Variants in KLK13 observed in about 807,000 individuals in gnomAD.
KLK13 encodes the protein kallikrein related peptidase 13.
A neutral mutation model predicts 22.4 loss-of-function variants in KLK13; 19 were observed. The observed-to-expected ratio is 0.85, with a 90% confidence interval of 0.59 to 1.24. The LOEUF is 1.24. KLK13 is among the 50% of genes most tolerant of loss of function. The pLI is 0.00. For missense variants in KLK13, 311 were observed against 347.9 expected, an observed-to-expected ratio of 0.89 and a Z score of 0.84; for synonymous variants, 156 against 141.8, an observed-to-expected ratio of 1.10 and a Z score of -0.71.
chr19:51,059,994 C>T lies in KLK13; in HGVS notation c.339G>A (p.Arg113=). The change falls in exon 3 of 5, where the codon CGG becomes CGA. Residue 113 remains arginine (R), a synonymous_variant. Coordinates refer to ENST00000595793, the MANE Select transcript of KLK13 (RefSeq NM_015596.3). ...VVHSIPHPEY[R]RSPTHLNHDH... ...CGTGGTTCAGGTGGGTGGGGCTTCT[C>T]CGGTATTCAGGGTGGGGGATAGAGT... The T allele has an allele frequency of 6.2e-7, 1 of 1,613,738 alleles. No homozygotes were observed. The highest frequency in any genetic ancestry group is 8.5e-7 in the Non-Finnish European group (1 of 1,179,786).
chr19:51,060,126 A>C, intron 2 of KLK13, 33 bp from the exon 3 acceptor site: 1 of 1,610,128 alleles, frequency 6.2e-7, no homozygotes. Flanking sequence ...GTTAGGAAAG[A>C]AGATGAGCCC....
rs966356577 is a variant in KLK13, at chr19:51,064,985, C to T, written c.52+31G>A. ...CCCCTCCTACCATTGTCCCGAATGG[C>T]CGCCGCGCCTCCACCCCCGCGCATT... On this transcript the variant is annotated intron_variant, in intron 1 of 4. Coordinates refer to ENST00000595793, the MANE Select transcript of KLK13 (RefSeq NM_015596.3). 5.8e-6 allele frequency: 9 copies of T among 1,545,408 alleles called. No individual in the cohort carries two copies. In the Admixed American group the frequency reaches 1.8e-4, roughly 30 times the overall value.
chr19:51,060,960 G>T (rs2091724983), intron 1 of KLK13, among the ~76,000 whole-genome samples: 1 of 152,100 alleles, frequency 6.6e-6, no homozygotes, highest in South Asian at 2.1e-4. Flanking sequence ...TCAGGAGGTA[G>T]AAGTGAGACT....
At chr19:51,064,227 C>T (rs1055600036) in intron 1 of KLK13, among the ~76,000 whole-genome samples, 9 of 152,030 alleles carry the variant, frequency 5.9e-5, no homozygotes, top group Non-Finnish European at 1.5e-5. Context: ...CTCGGTGGCT[C>T]ATGCCTGTAA....
intron 1 of KLK13, among the ~76,000 whole-genome samples, chr19:51,062,939 T>C (rs2091743594): frequency 6.6e-6 from 1 of 152,162 alleles, no homozygotes; most frequent in Non-Finnish European, 1.5e-5. Flanking sequence ...GGACAGAAGT[T>C]GTCGGTGAGC....
At position 51,065,044 on chromosome 19, in the gene KLK13, G is replaced by T. The variant is rs760572570; in HGVS notation, c.24C>A (p.Ile8=). The T allele has an allele frequency of 5.9e-5, 81 of 1,368,058 alleles. No individual in the cohort carries two copies. The highest frequency in any genetic ancestry group is 6.2e-5 in the Non-Finnish European group (64 of 1,032,226). 84.7% of individuals were successfully genotyped at this position (1,368,058 alleles called of 1,614,324 possible). A position where few individuals can be genotyped will look rare whatever the true frequency, so the allele number is the denominator to read the frequency against. The change falls in exon 1 of 5, where the codon ATC becomes ATA. Residue 8 remains isoleucine, a synonymous_variant. Transcript: ENST00000595793. MWPLALV[I]ASLTLALSGG... ...CTGACAAGGCCAAGGTCAGGGAGGC[G>T]ATCACTAGGGCCAGGGGCCACATGG...
At chr19:51,057,824 G>A (rs1345875850) in intron 4 of KLK13, among the ~76,000 whole-genome samples, 1 of 151,946 alleles carries the variant, frequency 6.6e-6, no homozygotes, top group East Asian at 1.9e-4. Context: ...TTCATTTGGG[G>A]AACTGCCCTT....
Position 51,058,600 on chromosome 19 carries a change from C to A in KLK13, c.583G>T (p.Gly195Ter). Residue 195 changes from glycine to a stop codon, truncating the protein, a stop_gained, in exon 4 of 5, where the codon GGA becomes TGA. Coordinates refer to ENST00000595793, the MANE Select transcript of KLK13 (RefSeq NM_015596.3). LOFTEE classifies it high-confidence loss of function. ...CACAACATGTTGTCAGTGATCTTTC[C>A]TGGGTAGACTTGACGACACTCCTCA... ...SDEECRQVYP[G>*]KITDNMLCAG... 6.2e-7 allele frequency: 1 copy of A among 1,614,172 alleles called. No homozygotes were observed. Among genetic ancestry groups the A allele is most frequent in the Non-Finnish European group, 8.5e-7 (1 of 1,180,038 alleles).
rs1201959587 is a variant in KLK13 at position 51,065,087 on chromosome 19, G to GAGGGC, written c.-25_-21dup. Reference sequence around the variant, plus strand: ...CCACATGGCTCCGGGATCGGGAGGGGAGGGCAGGGCGGGCGGGGCCTGAGG... The same window carrying GAGGGC: ...CCACATGGCTCCGGGATCGGGAGGGGAGGGCAGGGCAGGGCGGGCGGGGCCTGAGG... On this transcript the variant is annotated 5_prime_UTR_variant, in exon 1 of 5. Coordinates refer to ENST00000595793, the MANE Select transcript of KLK13 (RefSeq NM_015596.3). 27 of 1,450,042 alleles carry GAGGGC rather than the reference G, an allele frequency of 1.9e-5. No homozygotes were observed. The East Asian group carries it at 6.8e-4, about 37-fold the overall frequency. The allele number at this position is 1,450,042 out of a possible 1,614,324, so 89.8% of individuals were successfully genotyped here. A position where few individuals can be genotyped will look rare whatever the true frequency, so the allele number is the denominator to read the frequency against.
Position 51,060,058 on chromosome 19 carries a change from C to T in KLK13, c.275G>A (p.Gly92Glu), listed in dbSNP as rs1401953211. Residue 92 changes from glycine (G) to glutamate (E), a missense_variant, in exon 3 of 5, where the codon GGG (glycine) becomes GAG (glutamate). Coordinates refer to ENST00000595793, the MANE Select transcript of KLK13 (RefSeq NM_015596.3). The stretch of plus-strand genomic sequence containing the variant: ...CACCTGCTCACCAGCTTCCACACGC[C>T]CTAGGGCGTGCTTGCCTAGGTAAAC... ...LKVYLGKHALGRVEAGEQVRE... is the reference protein window; with the variant it reads ...LKVYLGKHALERVEAGEQVRE... The T allele has an allele frequency of 6.2e-7, 1 of 1,613,544 alleles. No individual in the cohort carries two copies. Among genetic ancestry groups the T allele is most frequent in the African/African-American group, 1.3e-5 (1 of 74,854 alleles).
rs200725984 is a variant in KLK13, at chr19:51,060,500, G to A, written c.172C>T (p.Arg58Trp). 2.6e-4 allele frequency: 420 copies of A among 1,613,858 alleles called. 1 individual carries two copies. The highest frequency in any genetic ancestry group is 9.9e-4 in the Middle Eastern group (6 of 6,068). The change falls in exon 2 of 5, where the codon CGG becomes TGG. Residue 58 changes from arginine (R) to tryptophan (W), a missense_variant. By Grantham distance (101) the Arg-to-Trp change is moderately radical. Transcript: ENST00000595793. Reference protein sequence around the residue: ...PWQAALLVQGRLLCGGVLVHP... With the variant: ...PWQAALLVQGWLLCGGVLVHP... ...ACCAGGACTCCCCCACAGAGTAGCC[G>A]CCCTTGCACTAGTAGGGCAGCCTGC...
At chr19:51,057,428 T>TTTTA (rs1486263309) in intron 4 of KLK13, among the ~76,000 whole-genome samples, 2 of 152,106 alleles carry the variant, frequency 1.3e-5, no homozygotes, top group Admixed American at 1.3e-4. Flanking sequence ...ATTTTTAAAT[T>TTTTA]TTTATTTATT....
At position 51,060,413 on chromosome 19, in the gene KLK13, C is replaced by A; in HGVS notation, c.239+20G>T. On this transcript the variant is annotated intron_variant, in intron 2 of 4. Transcript: ENST00000595793. ...GTCCCATTCTCATCCCTACCCCATG[C>A]TCCCCCGGCCCCCACATACTCCTTT... The A allele has an allele frequency of 6.4e-7, 1 of 1,551,190 alleles. No individual in the cohort carries two copies. Among genetic ancestry groups the A allele is most frequent in the Non-Finnish European group, 8.7e-7 (1 of 1,146,036 alleles).
chr19:51,058,507 TCCAAGGCAC>T lies in KLK13; in HGVS notation c.645+22_645+30del, dbSNP rs567923733. ...ACTTCCATTCTGGCTTTCTATCCTG[TCCAAGGCAC>T]CCACCAGCCTCCCGGCCTCACCTCA... is the stretch of plus-strand genomic sequence containing the variant. On this transcript the variant is annotated intron_variant, in intron 4 of 4. Coordinates refer to ENST00000595793, the MANE Select transcript of KLK13 (RefSeq NM_015596.3). 2.1e-4 allele frequency: 345 copies of T among 1,613,628 alleles called. No individual in the cohort carries two copies. In the African/African-American group the frequency reaches 3.5e-3, roughly 16 times the overall value.
upstream of KLK13, among the ~76,000 whole-genome samples, chr19:51,065,458 T>A (rs1340198261): frequency 2.0e-5 from 3 of 152,122 alleles, no homozygotes; most frequent in Admixed American, 6.5e-5. Flanking sequence ...CAAGTTCTTA[T>A]CTGTCCGCGC....
chr19:51,060,754 C>T lies in KLK13; in HGVS notation c.53-135G>A, dbSNP rs1328294178. The T allele has an allele frequency of 2.2e-5, 14 of 643,808 alleles. No individual in the cohort carries two copies. The East Asian group carries it at 2.9e-4, about 13-fold the overall frequency. 39.9% of individuals were successfully genotyped at this position (643,808 alleles called of 1,614,324 possible). A position where few individuals can be genotyped will look rare whatever the true frequency, so the allele number is the denominator to read the frequency against. On this transcript the variant is annotated intron_variant, in intron 1 of 4. Coordinates refer to ENST00000595793, the MANE Select transcript of KLK13 (RefSeq NM_015596.3). The stretch of plus-strand genomic sequence containing the variant: ...AGGAACTGAAGATGAATTTGCCGAC[C>T]TATGGCAGTTGCTATTCTTGACCAA...
chr19:51,064,885 T>C, intron 1 of KLK13, 131 bp downstream of exon 1: 1 of 738,664 alleles, frequency 1.4e-6, no homozygotes, highest in Admixed American at 2.9e-5. Flanking sequence ...CTCTGAGCTG[T>C]CCCCACTGGA....
At chr19:51,056,933 A>G (rs1355214614) in intron 4 of KLK13, among the ~76,000 whole-genome samples, 158 bp from the exon 5 acceptor site, 3 of 152,200 alleles carry the variant, frequency 2.0e-5, no homozygotes, top group African/African-American at 7.2e-5. Context: ...TGTGAGAGAA[A>G]GCAATGAAGA....
chr19:51,063,460 G>C (rs1034365241), intron 1 of KLK13: 2 of 346,908 alleles, frequency 5.8e-6, no homozygotes, highest in Non-Finnish European at 1.1e-5. Flanking sequence ...CCAGGATATG[G>C]ACAGGGAAAA....
Sources: gnomAD v4.1 joint callset for allele counts (sites outside exome capture counted in the v4.1 genomes callset) on GRCh38, gnomAD v4.1.1 for gene constraint, MANE v1.5 for transcripts, NCBI Gene and HGNC (gene_info 2026-07-23, HGNC 2026-07-21) for gene names.